The following ANKS3 variants were observed in gnomAD, a reference collection of about 807,000 sequenced individuals.
ANKS3 encodes ankyrin repeat and SAM domain-containing protein 3.
ANKS3 carries 62 observed loss-of-function variants against 80.7 expected under a neutral mutation model. The observed-to-expected ratio is 0.77, with a 90% CI of 0.63 to 0.95. The LOEUF (loss-of-function observed/expected upper bound fraction) is 0.95, where lower values mean the gene tolerates loss of function less well. Among genes scored for constraint, ANKS3 ranks in the 40% least tolerant of loss-of-function variants. The probability of loss-of-function intolerance (pLI) is 0.00; values close to 1 mark genes in which losing one functional copy is unlikely to be tolerated. For missense variants in ANKS3, 1,150 were observed against 883.6 expected (o/e 1.30, Z -3.82); for synonymous variants, 489 against 355.3 (o/e 1.38, Z -4.23).
chr16:4,697,039 G>A lies in ANKS3; in HGVS notation c.1960C>T (p.Arg654Trp), dbSNP rs776163307. 1.3e-5 allele frequency: 21 copies of A among 1,613,526 alleles called. No homozygotes were observed. The highest frequency in any genetic ancestry group is 1.7e-5 in the Admixed American group (1 of 59,962). Residue 654 changes from arginine to tryptophan, a missense_variant, in exon 17 of 18, where the codon CGG becomes TGG. By Grantham distance (101) the Arg-to-Trp change is moderately radical. Transcript: ENST00000304283. ...CACCGGCCCGCAGGCTAGGTCTCCC[G>A]CCACTTCTTCCCGTTCAGCACCTGC... Reference protein sequence around the residue: ...KLQVLNGKKWRET With the variant: ...KLQVLNGKKWWET
chr16:4,699,761 T>G (rs1488846539), intron 11 of ANKS3: 1 of 155,258 alleles, frequency 6.4e-6, no homozygotes, highest in Non-Finnish European at 1.4e-5. Flanking sequence ...TTTCTGTTCC[T>G]CAAGCGAGAT....
intron 2 of ANKS3, 31 bp from the exon 3 acceptor site, chr16:4,730,182 T>G (rs201356210): frequency 2.1e-5 from 31 of 1,453,332 alleles, no homozygotes; most frequent in African/African-American, 1.0e-4. Context: ...GTTAGATCTT[T>G]CCTGGCTGGT....
chr16:4,708,208 C>G (rs1374275436), intron 7 of ANKS3, among the ~76,000 whole-genome samples: 1 of 152,028 alleles, frequency 6.6e-6, no homozygotes, highest in Non-Finnish European at 1.5e-5. Flanking sequence ...ACTCTCTGAT[C>G]AGACACATTA....
chr16:4,733,806 G>T, intron 1 of ANKS3, 132 bp downstream of exon 1: 1 of 473,982 alleles, frequency 2.1e-6, no homozygotes, highest in Non-Finnish European at 2.8e-6. Context: ...TGTGATGCTG[G>T]TGGTAACTGT....
intron 6 of ANKS3, among the ~76,000 whole-genome samples, chr16:4,719,054 G>A (rs574628333): frequency 6.6e-5 from 10 of 152,280 alleles, no homozygotes; most frequent in African/African-American, 2.4e-4. Flanking sequence ...CAAATTGTTG[G>A]CCAAGCACCG....
Position 4,697,369 on chromosome 16 carries a change from G to C in ANKS3, c.1858C>G (p.Leu620Val), listed in dbSNP as rs763904675. The C allele has an allele frequency of 4.3e-6, 7 of 1,610,084 alleles. No individual in the cohort carries two copies. The African/African-American group carries it at 6.7e-5, about 15-fold the overall frequency. Residue 620 changes from leucine (L) to valine (V), a missense_variant, in exon 16 of 18, where the codon CTC (leucine) becomes GTC (valine). Coordinates refer to ENST00000304283, the MANE Select transcript of ANKS3 (RefSeq NM_133450.4). ...ASLQAMSLPE[L>V]SGALEDRVRE... ...ACACGGTCCTCCAGGGCTCCCGAGAGCTCGGGGAGGCTCATGGCCTGCAGG... is the reference window on the plus strand; with the variant it reads ...ACACGGTCCTCCAGGGCTCCCGAGACCTCGGGGAGGCTCATGGCCTGCAGG...
intron 9 of ANKS3, 161 bp downstream of exon 9, chr16:4,701,941 C>T (rs2079931789): frequency 1.1e-6 from 1 of 886,500 alleles, no homozygotes. Context: ...AGAAGCTTCT[C>T]CCATTCCTCA....
Position 4,697,316 on chromosome 16 carries a change from G to A in ANKS3, c.1894+17C>T, listed in dbSNP as rs2079616947. 1 of 1,592,370 alleles carries A rather than the reference G, an allele frequency of 6.3e-7. No individual in the cohort carries two copies. ...AAACAAAAGGAGCGCTCAGTCGTCT[G>A]GTCCCCGGAGACTCACCCATCTCAC... On this transcript the variant is annotated intron_variant, in intron 16 of 17. Coordinates refer to ENST00000304283, the MANE Select transcript of ANKS3 (RefSeq NM_133450.4).
intron 3 of ANKS3, among the ~76,000 whole-genome samples, chr16:4,728,247 G>C (rs191040476): frequency 2.0e-5 from 3 of 152,194 alleles, no homozygotes; most frequent in African/African-American, 7.2e-5. Flanking sequence ...GGGTTTCACC[G>C]TGTTAGCCAG....
chr16:4,724,642 TGAAA>T, intron 6 of ANKS3, 104 bp downstream of exon 6: 1 of 1,078,790 alleles, frequency 9.3e-7, no homozygotes, highest in Non-Finnish European at 1.4e-6. Flanking sequence ...AATAAATGAA[TGAAA>T]GTTATTTCTG....
intron 6 of ANKS3, among the ~76,000 whole-genome samples, chr16:4,722,684 A>G (rs1355614002): frequency 6.6e-6 from 1 of 151,918 alleles, no homozygotes; most frequent in African/African-American, 2.4e-5. Context: ...TTGGGAGGCT[A>G]AGGTGGGTGG....
intron 7 of ANKS3, among the ~76,000 whole-genome samples, chr16:4,711,096 G>C (rs900397481): frequency 5.4e-5 from 6 of 110,744 alleles, no homozygotes; most frequent in Non-Finnish European, 1.1e-4. Flanking sequence ...GCCTGAAACA[G>C]AATTTTTTTT....
At chr16:4,708,097 A>C (rs1321462807) in intron 7 of ANKS3, among the ~76,000 whole-genome samples, 1 of 148,878 alleles carries the variant, frequency 6.7e-6, no homozygotes, top group Non-Finnish European at 1.5e-5. Context: ...CCTGGGTGAC[A>C]GAGTGAGACT....
chr16:4,710,307 A>G (rs1397695803), intron 7 of ANKS3, among the ~76,000 whole-genome samples: 2 of 152,232 alleles, frequency 1.3e-5, no homozygotes, highest in Non-Finnish European at 2.9e-5. Context: ...GGTGATGGAT[A>G]AGCTAATCAC....
chr16:4,728,336 G>A (rs755991495), intron 3 of ANKS3, among the ~76,000 whole-genome samples: 2 of 152,052 alleles, frequency 1.3e-5, no homozygotes, highest in African/African-American at 2.4e-5. Context: ...GAGCCACCGC[G>A]CCCAGCCGGG....
chr16:4,701,922 T>C (rs2079930715), intron 9 of ANKS3, 180 bp downstream of exon 9: 2 of 758,782 alleles, frequency 2.6e-6, no homozygotes, highest in Non-Finnish European at 4.0e-6. Context: ...CGCACGGGGA[T>C]GCTGGACCAG....
intron 8 of ANKS3, 120 bp from the exon 9 acceptor site, chr16:4,702,362 G>A (rs1596358112): frequency 3.8e-6 from 4 of 1,056,528 alleles, no homozygotes; most frequent in East Asian, 6.5e-5. Flanking sequence ...TTGCCCCTGC[G>A]ACCTGGCATG....
rs185524252 is a variant in ANKS3, at chr16:4,710,982, T to C, written c.709+3069A>G. On this transcript the variant is annotated intron_variant, in intron 7 of 17. Transcript: ENST00000304283. ...TTTTGTATTTTTAGTGGAGACGGGGTTTCACCATGTTGGCCAGGCTGGTCT... is the reference window on the plus strand; with the variant it reads ...TTTTGTATTTTTAGTGGAGACGGGGCTTCACCATGTTGGCCAGGCTGGTCT... 4.9e-4 allele frequency among the ~76,000 whole-genome samples: 75 copies of C among 151,676 alleles called. No individual in the cohort carries two copies. In the East Asian group the frequency reaches 5.1e-3, roughly 10 times the overall value.
At position 4,726,739 on chromosome 16, in the gene ANKS3, T is replaced by C. The variant is rs2142153720; in HGVS notation, c.411A>G (p.Thr137=). The C allele has an allele frequency of 1.2e-6, 2 of 1,614,164 alleles. No individual in the cohort carries two copies. Among genetic ancestry groups the C allele is most frequent in the Middle Eastern group, 3.3e-4 (2 of 6,060 alleles). The change falls in exon 5 of 18, where the codon ACA becomes ACG. Residue 137 remains threonine, a synonymous_variant. Coordinates refer to ENST00000304283, the MANE Select transcript of ANKS3 (RefSeq NM_133450.4). ...ELEMKDIQGW[T]ALFHCTSAGH... is the part of the protein sequence containing the mutation. ...CGGCGCTGGTACAGTGGAAGAGGGC[T>C]GTCCAGCCCTGGATGTCTTTCATTT...
Sources: gnomAD v4.1 joint callset for allele counts (sites outside exome capture counted in the v4.1 genomes callset) on GRCh38, gnomAD v4.1.1 for gene constraint, MANE v1.5 for transcripts, NCBI Gene and HGNC (gene_info 2026-07-23, HGNC 2026-07-21) for gene names.